CSGALNACT1: variants seen among roughly 807,000 people sequenced by gnomAD.
CSGALNACT1 encodes beta4GalNAcT-1.
A neutral mutation model predicts 51.0 loss-of-function variants in CSGALNACT1; 52 were observed. The ratio of observed to expected loss-of-function variants is 1.02; its 90% CI spans 0.82 to 1.29. The LOEUF is 1.29. CSGALNACT1 is among the 50% of genes most tolerant of loss of function. The probability of loss-of-function intolerance (pLI) is 0.00; values close to 1 mark genes in which losing one functional copy is unlikely to be tolerated. For missense variants in CSGALNACT1, 935 were observed against 679.2 expected (o/e 1.38, Z -4.19); for synonymous variants, 341 against 254.4 (o/e 1.34, Z -3.24).
intron 1 of CSGALNACT1, among the ~76,000 whole-genome samples, chr8:19,631,370 A>T (rs891209887): frequency 6.6e-6 from 1 of 152,186 alleles, no homozygotes; most frequent in African/African-American, 2.4e-5. Context: ...GCTGTGTTTT[A>T]GATTCCAGAC....
At chr8:19,561,632 C>T (rs182184447) in intron 3 of CSGALNACT1, among the ~76,000 whole-genome samples, 4 of 152,328 alleles carry the variant, frequency 2.6e-5, no homozygotes, top group Admixed American at 2.6e-4. Flanking sequence ...GCCTTCTCTC[C>T]CTTTACAAGG....
At chr8:19,712,511 C>T (rs1433096734) in intron 1 of CSGALNACT1, among the ~76,000 whole-genome samples, 1 of 152,168 alleles carries the variant, frequency 6.6e-6, no homozygotes, top group Non-Finnish European at 1.5e-5. Context: ...TCTTCCTGAA[C>T]ATTCACTCTG....
chr8:19,646,281 G>C (rs909998702), intron 1 of CSGALNACT1, among the ~76,000 whole-genome samples: 6 of 152,210 alleles, frequency 3.9e-5, no homozygotes, highest in Non-Finnish European at 7.3e-5. Flanking sequence ...CTTGCCGAGA[G>C]AGAAAGAGAC....
intron 5 of CSGALNACT1, among the ~76,000 whole-genome samples, chr8:19,448,066 C>A (rs2062446496): frequency 6.6e-6 from 1 of 152,094 alleles, no homozygotes; most frequent in East Asian, 1.9e-4. Flanking sequence ...GCTTGTACAG[C>A]CAGTGGAGGT....
Position 19,679,657 on chromosome 8 carries a change from C to T in CSGALNACT1, c.-544+2816G>A, listed in dbSNP as rs544616475. Among the ~76,000 whole-genome samples, 11 of 152,008 alleles carry T rather than the reference C, an allele frequency of 7.2e-5. No individual in the cohort carries two copies. In the East Asian group the frequency reaches 7.7e-4, roughly 11 times the overall value. ...TTCAACCTGTGCACAAAGGAAGGTCCGGCACCACCTGCTGTGACTCAAGAC... is the reference window on the plus strand; with the variant it reads ...TTCAACCTGTGCACAAAGGAAGGTCTGGCACCACCTGCTGTGACTCAAGAC... On this transcript the variant is annotated intron_variant, in intron 1 of 9. Coordinates refer to the CSGALNACT1 transcript ENST00000332246.
At chr8:19,679,891 G>C (rs980916067) in intron 1 of CSGALNACT1, among the ~76,000 whole-genome samples, 4 of 152,134 alleles carry the variant, frequency 2.6e-5, no homozygotes, top group African/African-American at 9.7e-5. Context: ...TGAGGAATGT[G>C]CACTGAATTC....
chr8:19,495,676 G>T (rs1035835758), intron 4 of CSGALNACT1, among the ~76,000 whole-genome samples: 8 of 152,178 alleles, frequency 5.3e-5, no homozygotes, highest in African/African-American at 1.7e-4. Flanking sequence ...CTACTGACTG[G>T]CAAAGGAAGT....
chr8:19,738,249 T>TG (rs1048154086), intron 1 of CSGALNACT1, among the ~76,000 whole-genome samples: 1 of 152,120 alleles, frequency 6.6e-6, no homozygotes, highest in Non-Finnish European at 1.5e-5. Flanking sequence ...TTTTTCCTAA[T>TG]GGGGAAATAA....
At chr8:19,420,409 A>G in exon 7 of CSGALNACT1, 3 of 1,614,210 alleles carry the variant, frequency 1.9e-6, no homozygotes, top group Non-Finnish European at 2.5e-6. Flanking sequence ...TCACAGAAAA[A>G]GAGAAGGACG....
chr8:19,621,997 T>A (rs182514749), intron 1 of CSGALNACT1, among the ~76,000 whole-genome samples: 4 of 152,308 alleles, frequency 2.6e-5, no homozygotes, highest in Admixed American at 2.6e-4. Context: ...AAACAATAAC[T>A]CAAGTCCTGG....
chr8:19,712,730 T>C (rs537713552), intron 1 of CSGALNACT1, among the ~76,000 whole-genome samples: 1 of 152,248 alleles, frequency 6.6e-6, no homozygotes, highest in African/African-American at 2.4e-5. Context: ...AGAACCAAAA[T>C]GCATGGATGG....
chr8:19,678,536 T>C (rs1336540693), intron 1 of CSGALNACT1: 2 of 152,208 alleles, frequency 1.3e-5, no homozygotes, highest in African/African-American at 4.8e-5. Context: ...GCTCCAGGAA[T>C]GTCCCTGTGT....
intron 4 of CSGALNACT1, among the ~76,000 whole-genome samples, chr8:19,473,174 G>T (rs1474751338): frequency 6.6e-6 from 1 of 152,124 alleles, no homozygotes; most frequent in Non-Finnish European, 1.5e-5. Flanking sequence ...TGATATTCTG[G>T]TAAAAAGCCT....
At chr8:19,616,355 A>G (rs1397646381) in intron 1 of CSGALNACT1, among the ~76,000 whole-genome samples, 1 of 152,144 alleles carries the variant, frequency 6.6e-6, no homozygotes, top group Non-Finnish European at 1.5e-5. Flanking sequence ...GCATCCAGAC[A>G]CTCAGACCCA....
At chr8:19,453,683 G>T (rs968533284) in intron 5 of CSGALNACT1, among the ~76,000 whole-genome samples, 1 of 152,120 alleles carries the variant, frequency 6.6e-6, no homozygotes, top group Non-Finnish European at 1.5e-5. Context: ...AGGCTGAGGT[G>T]GGCAGATCCC....
intron 1 of CSGALNACT1, among the ~76,000 whole-genome samples, chr8:19,673,350 G>A (rs915153459): frequency 3.3e-5 from 5 of 152,346 alleles, no homozygotes; most frequent in South Asian, 2.1e-4. Flanking sequence ...TAGGAACAAC[G>A]ATTGTTTCAA....
intron 1 of CSGALNACT1, among the ~76,000 whole-genome samples, chr8:19,659,373 T>C (rs967344974): frequency 1.3e-5 from 2 of 152,228 alleles, no homozygotes; most frequent in Admixed American, 6.5e-5. Context: ...CCTTCCCTTA[T>C]CCTAGGTGCT....
chr8:19,704,837 T>C (rs2062069595), intron 1 of CSGALNACT1, among the ~76,000 whole-genome samples: 1 of 152,180 alleles, frequency 6.6e-6, no homozygotes, highest in Admixed American at 6.5e-5. Flanking sequence ...TGAAACAACC[T>C]AGACATGGAA....
intron 3 of CSGALNACT1, among the ~76,000 whole-genome samples, chr8:19,582,546 G>A (rs1443553011): frequency 6.6e-6 from 1 of 152,136 alleles, no homozygotes; most frequent in Non-Finnish European, 1.5e-5. Flanking sequence ...CTGGTCAGTT[G>A]AGTAATTCAA....
Sources: gnomAD v4.1 joint callset for allele counts (sites outside exome capture counted in the v4.1 genomes callset) on GRCh38, gnomAD v4.1.1 for gene constraint, MANE v1.5 for transcripts, NCBI Gene and HGNC (gene_info 2026-07-23, HGNC 2026-07-21) for gene names.